CSMD1: variants seen among roughly 807,000 people sequenced by gnomAD.
CSMD1 encodes the protein CUB and sushi domain-containing protein 1.
CSMD1 carries 213 observed loss-of-function variants against 417.5 expected under a neutral mutation model. The observed-to-expected ratio is 0.51, with a 90% CI of 0.46 to 0.57. The LOEUF is 0.57. CSMD1 is among the 20% of genes least tolerant of loss of function. The pLI, the probability that CSMD1 is intolerant of heterozygous loss-of-function variation, is 0.00. For missense variants in CSMD1, 6,923 were observed against 4,529.7 expected (o/e 1.53, Z -15.17); for synonymous variants, 2,862 against 1,736.8 (o/e 1.65, Z -16.11).
At chr8:3,966,426 T>A (rs1422715583) in intron 5 of CSMD1, among the ~76,000 whole-genome samples, 1 of 152,122 alleles carries the variant, frequency 6.6e-6, no homozygotes, top group Non-Finnish European at 1.5e-5. Flanking sequence ...ATATCAGGTA[T>A]TATATATAAT....
chr8:4,261,568 T>G (rs538348205), intron 3 of CSMD1, among the ~76,000 whole-genome samples: 1 of 152,232 alleles, frequency 6.6e-6, no homozygotes. Flanking sequence ...TTATTTATTT[T>G]ATTTTACCTA....
At chr8:4,588,324 C>T (rs1166255739) in intron 2 of CSMD1, among the ~76,000 whole-genome samples, 1 of 146,030 alleles carries the variant, frequency 6.8e-6, no homozygotes, top group East Asian at 2.0e-4. Context: ...CATCAGACCA[C>T]AGTTTCAAAT....
chr8:4,742,252 G>C (rs7002248), intron 1 of CSMD1, among the ~76,000 whole-genome samples: 1,632 of 150,930 alleles, frequency 0.011, 23 homozygotes, highest in African/African-American at 0.037. Flanking sequence ...GGATGGTCTC[G>C]ATCTCCTGAC....
chr8:4,384,423 C>A (rs1464134532), intron 3 of CSMD1, among the ~76,000 whole-genome samples: 1 of 152,226 alleles, frequency 6.6e-6, no homozygotes, highest in East Asian at 1.9e-4. Context: ...CAAAGGAAAA[C>A]TAATACATTC....
At chr8:3,275,738 G>A (rs1802234687) in intron 26 of CSMD1, among the ~76,000 whole-genome samples, 1 of 152,212 alleles carries the variant, frequency 6.6e-6, no homozygotes, top group East Asian at 1.9e-4. Flanking sequence ...TGAGGCTTCT[G>A]CATTCTTCAC....
chr8:3,030,291 A>T (rs1810258394), intron 50 of CSMD1, among the ~76,000 whole-genome samples: 1 of 151,978 alleles, frequency 6.6e-6, no homozygotes, highest in Non-Finnish European at 1.5e-5. Flanking sequence ...AGATGATTTA[A>T]AATACATTAC....
chr8:3,142,380 A>T, intron 41 of CSMD1, 85 bp downstream of exon 41: 1 of 1,178,650 alleles, frequency 8.5e-7, no homozygotes, highest in Non-Finnish European at 1.2e-6. Flanking sequence ...GCTTGGAACC[A>T]GTTAGGGAGA....
chr8:3,824,608 A>G (rs1183317421), intron 5 of CSMD1, among the ~76,000 whole-genome samples: 1 of 152,192 alleles, frequency 6.6e-6, no homozygotes, highest in East Asian at 1.9e-4. Context: ...ATACGGTAAG[A>G]TATTTTATTA....
intron 3 of CSMD1, among the ~76,000 whole-genome samples, chr8:4,256,438 T>C (rs188497053): frequency 6.6e-6 from 1 of 152,264 alleles, no homozygotes; most frequent in African/African-American, 2.4e-5. Flanking sequence ...TTGTGAAGAT[T>C]AAAAGAGGTG....
At chr8:4,105,658 C>G (rs1443225154) in intron 3 of CSMD1, among the ~76,000 whole-genome samples, 1 of 152,198 alleles carries the variant, frequency 6.6e-6, no homozygotes, top group East Asian at 1.9e-4. Context: ...AACGTGGTTT[C>G]TGACCCCATT....
chr8:3,369,017 C>A (rs1459055433), intron 19 of CSMD1, among the ~76,000 whole-genome samples: 2 of 152,168 alleles, frequency 1.3e-5, no homozygotes, highest in African/African-American at 4.8e-5. Flanking sequence ...CTTATGTTCA[C>A]ATGCGTATAT....
At chr8:4,986,465 C>A (rs1265301231) in intron 1 of CSMD1, among the ~76,000 whole-genome samples, 1 of 152,116 alleles carries the variant, frequency 6.6e-6, no homozygotes, top group African/African-American at 2.4e-5. Flanking sequence ...AAAATGACTG[C>A]CTGCAATTTA....
At chr8:4,530,404 G>A (rs1796748503) in intron 2 of CSMD1, among the ~76,000 whole-genome samples, 1 of 126,672 alleles carries the variant, frequency 7.9e-6, no homozygotes, top group African/African-American at 3.0e-5. Context: ...GAATACATTT[G>A]CCATGGTGGT....
At chr8:3,783,524 G>A (rs1043018530) in intron 5 of CSMD1, among the ~76,000 whole-genome samples, 4 of 152,198 alleles carry the variant, frequency 2.6e-5, no homozygotes, top group South Asian at 2.1e-4. Context: ...ATCCTGTGCT[G>A]AGGGTGCTGC....
At chr8:4,439,034 T>C (rs1236094960) in intron 2 of CSMD1, among the ~76,000 whole-genome samples, 1 of 152,172 alleles carries the variant, frequency 6.6e-6, no homozygotes, top group African/African-American at 2.4e-5. Flanking sequence ...AACTATATTC[T>C]TTTTAGTAAT....
At chr8:4,280,346 A>T (rs1282032823) in intron 3 of CSMD1, among the ~76,000 whole-genome samples, 1 of 152,188 alleles carries the variant, frequency 6.6e-6, no homozygotes, top group African/African-American at 2.4e-5. Context: ...TGAAAAAATA[A>T]TTTCTAATAA....
intron 10 of CSMD1, among the ~76,000 whole-genome samples, chr8:3,571,587 C>T (rs1799944353): frequency 1.3e-5 from 2 of 152,080 alleles, no homozygotes; most frequent in Non-Finnish European, 2.9e-5. Context: ...ACCCACGGCA[C>T]CTACTGGAGG....
intron 3 of CSMD1, among the ~76,000 whole-genome samples, chr8:4,103,805 T>C (rs1801426537): frequency 6.6e-6 from 1 of 152,104 alleles, no homozygotes. Flanking sequence ...ACAGAAAGGG[T>C]AAATTCCATG....
At chr8:3,250,278 A>G (rs981354192) in intron 26 of CSMD1, among the ~76,000 whole-genome samples, 1 of 152,092 alleles carries the variant, frequency 6.6e-6, no homozygotes, top group African/African-American at 2.4e-5. Context: ...CTCATTGTTC[A>G]ATTCCCACCT....
Sources: allele counts gnomAD v4.1 joint callset (sites outside exome capture counted in the v4.1 genomes callset), GRCh38; gene constraint gnomAD v4.1.1; transcripts MANE v1.5; gene names NCBI Gene and HGNC (gene_info 2026-07-23, HGNC 2026-07-21).